RGS6: variants seen among roughly 807,000 people sequenced by gnomAD.
RGS6 encodes regulator of G protein signaling 6, also known as regulator of G-protein signaling 6.
In RGS6, 30 loss-of-function variants were observed where a neutral mutation model predicts 78.5. That is an observed-to-expected ratio of 0.38 (90% confidence interval 0.29 to 0.52). The LOEUF (loss-of-function observed/expected upper bound fraction) is 0.52. Ranked by LOEUF, RGS6 falls within the 20% of genes least tolerant of loss-of-function variation. RGS6 has a pLI of 0.85. For synonymous variants in RGS6, 206 were observed against 206.0 expected, an observed-to-expected ratio of 1.00 and a Z score of 0.00; for missense variants, 495 against 609.7, an observed-to-expected ratio of 0.81 and a Z score of 1.98.
At chr14:72,187,790 T>G (rs1443056864) in intron 2 of RGS6, among the ~76,000 whole-genome samples, 1 of 152,194 alleles carries the variant, frequency 6.6e-6, no homozygotes, top group Admixed American at 6.5e-5. Context: ...ATTCACAGTT[T>G]CCATATTTGT....
chr14:72,029,678 G>A (rs1420765515), intron 2 of RGS6, among the ~76,000 whole-genome samples: 1 of 152,154 alleles, frequency 6.6e-6, no homozygotes, highest in Non-Finnish European at 1.5e-5. Context: ...GCAATGCCTG[G>A]TAGAAGTGTT....
At chr14:72,073,326 G>C (rs1033479199) in intron 2 of RGS6, among the ~76,000 whole-genome samples, 1 of 152,180 alleles carries the variant, frequency 6.6e-6, no homozygotes, top group Non-Finnish European at 1.5e-5. Context: ...ACATAAATGA[G>C]AGTTAAGTTC....
At chr14:71,959,330 GAA>G (rs148847698) in intron 1 of RGS6, among the ~76,000 whole-genome samples, 1 of 149,312 alleles carries the variant, frequency 6.7e-6, no homozygotes, top group African/African-American at 2.5e-5. Flanking sequence ...GCTGATGTCA[GAA>G]AAAAAAAATC....
chr14:72,545,204 G>A (rs1338197895), intron 17 of RGS6, among the ~76,000 whole-genome samples: 1 of 152,206 alleles, frequency 6.6e-6, no homozygotes, highest in Non-Finnish European at 1.5e-5. Context: ...GGGACCACTG[G>A]GTCACAAACA....
intron 2 of RGS6, among the ~76,000 whole-genome samples, chr14:72,241,167 A>AAC (rs1567555774): frequency 1.3e-5 from 2 of 151,752 alleles, no homozygotes. Context: ...AAAAAAAAAA[A>AAC]AAAACAAAAC....
chr14:72,025,243 C>G (rs897731752), intron 2 of RGS6, among the ~76,000 whole-genome samples: 2 of 151,834 alleles, frequency 1.3e-5, no homozygotes, highest in Non-Finnish European at 2.9e-5. Context: ...ATTGAGCCCT[C>G]TGCTCCAACA....
chr14:72,289,663 A>G (rs1329406230), intron 2 of RGS6, among the ~76,000 whole-genome samples: 1 of 152,194 alleles, frequency 6.6e-6, no homozygotes, highest in Non-Finnish European at 1.5e-5. Flanking sequence ...CTCTGCTATC[A>G]AATGTCAAAG....
intron 12 of RGS6, among the ~76,000 whole-genome samples, chr14:72,485,577 A>G (rs2096472470): frequency 6.6e-6 from 1 of 152,230 alleles, no homozygotes; most frequent in Non-Finnish European, 1.5e-5. Context: ...CTAGTTCTAC[A>G]AAGGGCTGCC....
the RGS6 span, among the ~76,000 whole-genome samples, chr14:71,909,874 T>C: frequency 3.7e-4 from 57 of 152,164 alleles, 1 homozygote; most frequent in African/African-American, 1.2e-3. Flanking sequence ...ATAAGTGTAT[T>C]TGAGCTAAAG....
intron 17 of RGS6, among the ~76,000 whole-genome samples, chr14:72,551,301 T>A (rs988367263): frequency 5.3e-5 from 8 of 152,118 alleles, no homozygotes; most frequent in African/African-American, 1.9e-4. Context: ...GCCCGCACAG[T>A]GAAGTGCATC....
intron 2 of RGS6, among the ~76,000 whole-genome samples, chr14:71,994,961 A>G (rs1311886212): frequency 6.6e-6 from 1 of 152,146 alleles, no homozygotes; most frequent in Non-Finnish European, 1.5e-5. Context: ...AGCCAGCAAG[A>G]CGGGATGTTT....
At chr14:72,047,925 A>G (rs1282137955) in intron 2 of RGS6, among the ~76,000 whole-genome samples, 1 of 130,676 alleles carries the variant, frequency 7.7e-6, no homozygotes, top group Admixed American at 8.2e-5. Flanking sequence ...TTTTTTTAGT[A>G]GAGACAGAGT....
intron 4 of RGS6, among the ~76,000 whole-genome samples, chr14:72,456,223 C>A (rs2095626102): frequency 6.6e-6 from 1 of 152,174 alleles, no homozygotes; most frequent in Admixed American, 6.5e-5. Flanking sequence ...AAACCGAGGC[C>A]TTGGGAAACA....
At chr14:72,595,492 T>C in the RGS6 span, among the ~76,000 whole-genome samples, 1 of 135,742 alleles carries the variant, frequency 7.4e-6, no homozygotes, top group Non-Finnish European at 1.6e-5. Context: ...ACAAAAAGCT[T>C]AGCCCCAGGA....
At chr14:71,988,298 CAA>C (rs906641969) in intron 2 of RGS6, among the ~76,000 whole-genome samples, 2 of 152,114 alleles carry the variant, frequency 1.3e-5, no homozygotes, top group Non-Finnish European at 2.9e-5. Flanking sequence ...GTAGTTGAAA[CAA>C]AAGTCTCCTA....
chr14:72,050,614 A>G (rs968611378), intron 2 of RGS6, among the ~76,000 whole-genome samples: 3 of 152,220 alleles, frequency 2.0e-5, no homozygotes, highest in Non-Finnish European at 2.9e-5. Context: ...TATATATCTG[A>G]AGAGGACAGA....
chr14:72,503,591 A>G (rs1348729260), intron 13 of RGS6, among the ~76,000 whole-genome samples: 1 of 148,892 alleles, frequency 6.7e-6, no homozygotes, highest in East Asian at 2.0e-4. Flanking sequence ...AGAGAGAGAG[A>G]GAAATAGGAA....
At chr14:72,600,909 C>G in the RGS6 span, among the ~76,000 whole-genome samples, 1 of 152,056 alleles carries the variant, frequency 6.6e-6, no homozygotes, top group Non-Finnish European at 1.5e-5. Flanking sequence ...TGTAGCCCTC[C>G]CCTGGCTGCT....
intron 2 of RGS6, among the ~76,000 whole-genome samples, chr14:72,210,440 A>G (rs2043821446): frequency 6.6e-6 from 1 of 152,362 alleles, no homozygotes; most frequent in East Asian, 1.9e-4. Flanking sequence ...AAGGAAGGAC[A>G]TGATATCACA....
Sources: gnomAD v4.1 joint callset for allele counts (sites outside exome capture counted in the v4.1 genomes callset) on GRCh38, gnomAD v4.1.1 for gene constraint, MANE v1.5 for transcripts, NCBI Gene and HGNC (gene_info 2026-07-23, HGNC 2026-07-21) for gene names.